SOS2: variants seen among roughly 807,000 people sequenced by gnomAD.
The protein encoded by SOS2 is son of sevenless homolog 2.
A neutral mutation model predicts 148.2 loss-of-function variants in SOS2; 65 were observed. The observed-to-expected ratio is 0.44, with a 90% CI of 0.36 to 0.54. SOS2 has a LOEUF of 0.54. SOS2 is among the 20% of genes least tolerant of loss of function. SOS2 has a pLI of 0.00. For synonymous variants in SOS2, 539 were observed against 537.1 expected, an observed-to-expected ratio of 1.00 and a Z score of -0.05; for missense variants, 1,341 against 1,590.2, an observed-to-expected ratio of 0.84 and a Z score of 2.67.
intron 16 of SOS2, among the ~76,000 whole-genome samples, chr14:50,141,200 T>C (rs1168870333): frequency 1.4e-5 from 1 of 70,996 alleles, no homozygotes; most frequent in Non-Finnish European, 2.4e-5. Flanking sequence ...CGAGACTCTG[T>C]CTCAAAAAAA....
chr14:50,164,006 G>A (rs1189416650), intron 8 of SOS2, among the ~76,000 whole-genome samples: 5 of 152,196 alleles, frequency 3.3e-5, no homozygotes, highest in African/African-American at 7.2e-5. Flanking sequence ...ATTAAACAAC[G>A]GCTCTGTTTG....
In SOS2 at chr14:50,231,552, C is replaced by G. The variant is rs570191060; in HGVS notation, c.-269G>C. On this transcript the variant is annotated 5_prime_UTR_variant, in exon 1 of 23. Transcript: ENST00000216373. ...CCGGGCGACCCCGGGCGGCGACCTC[C>G]TTTCCCGGCGGCGCTGGCCCGCTTC... is the stretch of plus-strand genomic sequence containing the variant. The G allele has an allele frequency of 6.6e-6, 1 of 152,254 alleles. No homozygotes were observed. The highest frequency in any genetic ancestry group is 2.4e-5 in the African/African-American group (1 of 41,398). 9.4% of individuals were successfully genotyped at this position (152,254 alleles called of 1,614,324 possible).
intron 1 of SOS2, 178 bp downstream of exon 1, chr14:50,231,019 A>G: frequency 1.4e-6 from 1 of 697,406 alleles, no homozygotes; most frequent in Non-Finnish European, 2.0e-6. Flanking sequence ...AGGCAAAAAA[A>G]AAAAACTTGA....
At chr14:50,127,564 C>T (rs1883724752) in intron 21 of SOS2, among the ~76,000 whole-genome samples, 1 of 152,170 alleles carries the variant, frequency 6.6e-6, no homozygotes, top group Non-Finnish European at 1.5e-5. Flanking sequence ...TCTGAATTGC[C>T]CTGCTTAGCT....
intron 4 of SOS2, among the ~76,000 whole-genome samples, chr14:50,189,066 C>CAT (rs141877150): frequency 3.6e-4 from 49 of 135,866 alleles, no homozygotes; most frequent in East Asian, 3.6e-3. Flanking sequence ...CTCCATCACA[C>CAT]ACACACACAC....
At chr14:50,176,153 A>G (rs1221147575) in intron 7 of SOS2, among the ~76,000 whole-genome samples, 1 of 152,238 alleles carries the variant, frequency 6.6e-6, no homozygotes, top group Non-Finnish European at 1.5e-5. Context: ...TGTGCTATCC[A>G]TCATGTGAGG....
At chr14:50,198,241 T>C (rs967175515) in intron 4 of SOS2, among the ~76,000 whole-genome samples, 9 of 152,128 alleles carry the variant, frequency 5.9e-5, no homozygotes, top group Non-Finnish European at 1.2e-4. Context: ...CAGAATGTTC[T>C]TGTTTATAGG....
intron 5 of SOS2, among the ~76,000 whole-genome samples, chr14:50,184,864 C>CA (rs34039045): frequency 0.012 from 678 of 57,034 alleles, 1 homozygote; most frequent in Middle Eastern, 0.024. Flanking sequence ...ACCCTGTCTC[C>CA]AAAAAAAAAA....
At position 50,231,182 on chromosome 14, in the gene SOS2, G is replaced by A. The variant is rs1887533242; in HGVS notation, c.87+15C>T. On this transcript the variant is annotated intron_variant, in intron 1 of 22. Coordinates refer to ENST00000216373, the MANE Select transcript of SOS2 (RefSeq NM_006939.4). ...CCACGGGCCACCCGCCGGCCGCCCC[G>A]CCCCTAGCACTGACCTTCCGCAGGG... 1.0e-5 allele frequency: 14 copies of A among 1,393,900 alleles called. No homozygotes were observed. The highest frequency in any genetic ancestry group is 1.3e-5 in the Non-Finnish European group (14 of 1,049,126). The allele number at this position is 1,393,900 out of a possible 1,614,324, so 86.3% of individuals were successfully genotyped here.
At chr14:50,144,151 T>C (rs532335584) in intron 16 of SOS2, among the ~76,000 whole-genome samples, 3 of 152,004 alleles carry the variant, frequency 2.0e-5, no homozygotes, top group Admixed American at 6.6e-5. Flanking sequence ...TGATAAATTA[T>C]CACAGAAAAA....
chr14:50,204,759 C>T (rs1695215445), intron 1 of SOS2, among the ~76,000 whole-genome samples: 1 of 152,134 alleles, frequency 6.6e-6, no homozygotes, highest in African/African-American at 2.4e-5. Context: ...TCATGAATCC[C>T]AGTAATAAAG....
intron 8 of SOS2, among the ~76,000 whole-genome samples, chr14:50,162,095 A>G (rs1392350404): frequency 6.6e-6 from 1 of 151,322 alleles, no homozygotes; most frequent in African/African-American, 2.4e-5. Flanking sequence ...ATAAACTAAC[A>G]TGAGCATAGT....
At chr14:50,227,247 C>CTTTTTTTT (rs71118857) in intron 1 of SOS2, among the ~76,000 whole-genome samples, 3 of 121,632 alleles carry the variant, frequency 2.5e-5, no homozygotes, top group African/African-American at 9.4e-5. Context: ...TTCTTTCTTT[C>CTTTTTTTT]TTTTTTTTTT....
rs769876498 is a variant in SOS2 at position 50,117,942 on chromosome 14, C to T, written c.*402G>A. 6.3e-6 allele frequency: 1 copy of T among 158,218 alleles called. No individual in the cohort carries two copies. The highest frequency in any genetic ancestry group is 1.4e-5 in the Non-Finnish European group (1 of 72,140). 9.8% of individuals were successfully genotyped at this position (158,218 alleles called of 1,614,324 possible). A position where few individuals can be genotyped will look rare whatever the true frequency, so the allele number is the denominator to read the frequency against. ...GTCAAAGAGGTTTAAAAATCAGTAA[C>T]ACCATATACCCCTCCCATATTTGTG... is the stretch of plus-strand genomic sequence containing the variant. On this transcript the variant is annotated 3_prime_UTR_variant, in exon 23 of 23. Transcript: ENST00000216373.
intron 19 of SOS2, among the ~76,000 whole-genome samples, chr14:50,131,741 T>C (rs1241637538): frequency 6.6e-6 from 1 of 152,184 alleles, no homozygotes; most frequent in Non-Finnish European, 1.5e-5. Context: ...GAAAAGTTTA[T>C]GGGGACAATG....
In SOS2 at chr14:50,160,078, A is replaced by G. The variant is rs139143221; in HGVS notation, c.1205T>C (p.Val402Ala). 25 of 1,608,716 alleles carry G rather than the reference A, an allele frequency of 1.6e-5. No homozygotes were observed. Among genetic ancestry groups the G allele is most frequent in the Non-Finnish European group, 2.1e-5 (25 of 1,177,440 alleles). ...YSPRRRPGDP[V>A]CPFYSHQLRS... ...TAATTGGTGACTATAAAAAGGGCAAACAGGATCTCTAGAAAAAACAAACAA... is the reference window on the plus strand; with the variant it reads ...TAATTGGTGACTATAAAAAGGGCAAGCAGGATCTCTAGAAAAAACAAACAA... Residue 402 changes from valine (V) to alanine (A), a missense_variant, in exon 10 of 23, where the codon GTT becomes GCT. Physicochemically the swap from Val to Ala is moderately conservative, Grantham distance 64. Around this residue, in one of 4 missense-constraint regions of SOS2, gnomAD observed 574 missense variants for 711.1 expected, o/e 0.81. Coordinates refer to ENST00000216373, the MANE Select transcript of SOS2 (RefSeq NM_006939.4).
At chr14:50,143,823 A>AT (rs35436971) in intron 16 of SOS2, among the ~76,000 whole-genome samples, 41,692 of 134,408 alleles carry the variant, frequency 0.31, 7,300 homozygotes, top group Middle Eastern at 0.41. Flanking sequence ...ATGCCTGGCT[A>AT]TTTTTTTTTT....
rs936346147 is a variant in SOS2, at chr14:50,229,477, T to C, written c.87+1720A>G. On this transcript the variant is annotated intron_variant, in intron 1 of 22. Coordinates refer to ENST00000216373, the MANE Select transcript of SOS2 (RefSeq NM_006939.4). ...AAAGCAATGGACTAGGATTGGATGC[T>C]AATCTTGGCTTCTCCAGCCTAACTT... Among the ~76,000 whole-genome samples, 6 of 149,614 alleles carry C rather than the reference T, an allele frequency of 4.0e-5. No homozygotes were observed. In the South Asian group the frequency reaches 1.3e-3, roughly 32 times the overall value.
At chr14:50,181,109 T>G (rs1201948445) in intron 6 of SOS2, among the ~76,000 whole-genome samples, 3 of 152,144 alleles carry the variant, frequency 2.0e-5, no homozygotes, top group Non-Finnish European at 2.9e-5. Context: ...ATGTATCTAG[T>G]CTTTAGCACT....
Sources: gnomAD v4.1 joint callset for allele counts (sites outside exome capture counted in the v4.1 genomes callset) on GRCh38, gnomAD v4.1.1 for gene constraint, gnomAD v4.1.1 regional missense constraint, MANE v1.5 for transcripts, NCBI Gene and HGNC (gene_info 2026-07-23, HGNC 2026-07-21) for gene names.